R3HCC1L: variants seen among roughly 807,000 people sequenced by gnomAD.
R3HCC1L encodes R3H domain and coiled-coil containing 1 like.
In R3HCC1L, 51 loss-of-function variants were observed where a neutral mutation model predicts 59.9. The observed-to-expected ratio is 0.85, with a 90% confidence interval of 0.68 to 1.07. The LOEUF (loss-of-function observed/expected upper bound fraction) is 1.07, where lower values mean the gene tolerates loss of function less well. Ranked by LOEUF, R3HCC1L falls within the 50% of genes least tolerant of loss-of-function variation. The pLI is 0.00. For synonymous variants in R3HCC1L, 322 were observed against 315.2 expected (o/e 1.02, Z -0.23); for missense variants, 965 against 933.0 (o/e 1.03, Z -0.45).
chr10:98,191,441 A>ATAAATGTCTTCTT (rs1850832023), intron 4 of R3HCC1L, among the ~76,000 whole-genome samples: 1 of 152,008 alleles, frequency 6.6e-6, no homozygotes, highest in Non-Finnish European at 1.5e-5. Flanking sequence ...TGTTGGCTGC[A>ATAAATGTCTTCTT]TAGATGTCTT....
At chr10:98,173,094 ATTTC>A (rs1003720220) in intron 4 of R3HCC1L, among the ~76,000 whole-genome samples, 2 of 152,034 alleles carry the variant, frequency 1.3e-5, no homozygotes, top group Non-Finnish European at 2.9e-5. Flanking sequence ...TCATTCTCTT[ATTTC>A]TTTCTTCTCT....
chr10:98,194,307 A>G (rs983389778), intron 4 of R3HCC1L, among the ~76,000 whole-genome samples: 2 of 152,166 alleles, frequency 1.3e-5, no homozygotes, highest in African/African-American at 4.8e-5. Flanking sequence ...ACCATATACA[A>G]AATTTAATTA....
rs149472885 is a variant in R3HCC1L at position 98,243,012 on chromosome 10, T to C, written c.2270-1079T>C. On this transcript the variant is annotated intron_variant, in intron 9 of 9. Transcript: ENST00000298999. ...TAACTTTGCTGCTATATTCAGATAATGCCACAAGATGGTGCCCAAATAGCA... is the reference window on the plus strand; with the variant it reads ...TAACTTTGCTGCTATATTCAGATAACGCCACAAGATGGTGCCCAAATAGCA... Among the ~76,000 whole-genome samples, 9 of 152,364 alleles carry C rather than the reference T, an allele frequency of 5.9e-5. No individual in the cohort carries two copies. In the East Asian group the frequency reaches 1.7e-3, roughly 29 times the overall value.
chr10:98,139,235 C>T (rs190915817), intron 1 of R3HCC1L, among the ~76,000 whole-genome samples: 1 of 152,268 alleles, frequency 6.6e-6, no homozygotes, highest in Admixed American at 6.5e-5. Flanking sequence ...CCTAATGCAA[C>T]TCATTAGACA....
chr10:98,171,935 A>G (rs988342567), intron 4 of R3HCC1L, among the ~76,000 whole-genome samples: 2 of 152,204 alleles, frequency 1.3e-5, no homozygotes, highest in South Asian at 2.1e-4. Flanking sequence ...GCAGGCAAGG[A>G]TTAGTACTTA....
chr10:98,152,162 C>T (rs544750876), intron 1 of R3HCC1L, among the ~76,000 whole-genome samples: 61 of 152,366 alleles, frequency 4.0e-4, no homozygotes, highest in African/African-American at 1.4e-3. Flanking sequence ...GCTGTGTTGG[C>T]CGGGCTGGTC....
intron 6 of R3HCC1L, among the ~76,000 whole-genome samples, chr10:98,232,163 A>AT (rs1250939353): frequency 5.3e-5 from 8 of 151,688 alleles, no homozygotes; most frequent in Non-Finnish European, 8.8e-5. Flanking sequence ...TAATTTTTGT[A>AT]TTTTTTTGTA....
At chr10:98,164,704 C>CTG (rs1847767510) in intron 4 of R3HCC1L, among the ~76,000 whole-genome samples, 1 of 152,114 alleles carries the variant, frequency 6.6e-6, no homozygotes, top group Non-Finnish European at 1.5e-5. Context: ...TGCTGACAAT[C>CTG]TGTGACAGCC....
intron 5 of R3HCC1L, among the ~76,000 whole-genome samples, chr10:98,223,722 T>C (rs1195924239): frequency 6.6e-6 from 1 of 152,012 alleles, no homozygotes; most frequent in Non-Finnish European, 1.5e-5. Context: ...TTGCTGGGGA[T>C]GAGGACACCA....
chr10:98,233,477 C>T (rs765265277), intron 6 of R3HCC1L, among the ~76,000 whole-genome samples: 2 of 152,104 alleles, frequency 1.3e-5, no homozygotes, highest in Non-Finnish European at 2.9e-5. Flanking sequence ...GTGCTCAACA[C>T]CATCTTCTTT....
At chr10:98,161,654 G>A (rs2134182859) in intron 2 of R3HCC1L, among the ~76,000 whole-genome samples, 1 of 152,166 alleles carries the variant, frequency 6.6e-6, no homozygotes, top group South Asian at 2.1e-4. Context: ...TGGAGGTACG[G>A]TTTCTTTAAA....
intron 4 of R3HCC1L, among the ~76,000 whole-genome samples, chr10:98,193,552 G>A (rs142394238): frequency 3.2e-4 from 48 of 152,162 alleles, no homozygotes; most frequent in African/African-American, 1.0e-3. Context: ...AAACTTAATC[G>A]AGGGGAGAAG....
intron 2 of R3HCC1L, among the ~76,000 whole-genome samples, chr10:98,159,712 C>T (rs1488890215): frequency 6.6e-6 from 1 of 152,092 alleles, no homozygotes; most frequent in Admixed American, 6.5e-5. Context: ...CAGTAGGAGC[C>T]CCTTCAGTTC....
intron 9 of R3HCC1L, among the ~76,000 whole-genome samples, chr10:98,241,041 A>G (rs1414594774): frequency 6.6e-6 from 1 of 152,158 alleles, no homozygotes; most frequent in Non-Finnish European, 1.5e-5. Context: ...ATGCCCCCTT[A>G]TGGGATTCAG....
At chr10:98,215,150 C>G (rs180746701) in intron 5 of R3HCC1L, among the ~76,000 whole-genome samples, 1 of 152,096 alleles carries the variant, frequency 6.6e-6, no homozygotes, top group East Asian at 1.9e-4. Context: ...CAGCGCTGAT[C>G]TTAGTGATGT....
intron 4 of R3HCC1L, among the ~76,000 whole-genome samples, chr10:98,200,268 G>A (rs1998754): frequency 4.2e-4 from 64 of 152,040 alleles, no homozygotes; most frequent in Non-Finnish European, 8.4e-4. Flanking sequence ...AGTATTTACA[G>A]CAATAGGCTA....
rs369788899 is a variant in R3HCC1L at position 98,209,395 on chromosome 10, A to G, written c.1281A>G (p.Val427=). Residue 427 remains valine, a synonymous_variant, in exon 5 of 10, where the codon GTA becomes GTG. Transcript: ENST00000298999. ...GTGCAGATGCAACCCCTCTTCATGT[A>G]GCTAGAAGTGGGAATGACACTGAAG... ...GMSADATPLH[V]ARSGNDTEDF... 1 of 1,613,874 alleles carries G rather than the reference A, an allele frequency of 6.2e-7. No individual in the cohort carries two copies. The highest frequency in any genetic ancestry group is 8.5e-7 in the Non-Finnish European group (1 of 1,179,962).
At chr10:98,154,749 C>T (rs1409007545) in intron 1 of R3HCC1L, among the ~76,000 whole-genome samples, 2 of 152,104 alleles carry the variant, frequency 1.3e-5, no homozygotes, top group African/African-American at 4.8e-5. Context: ...AGTTAATTGT[C>T]TTTAGGACAG....
intron 5 of R3HCC1L, among the ~76,000 whole-genome samples, chr10:98,230,217 T>C (rs917893338): frequency 9.2e-5 from 14 of 152,168 alleles, no homozygotes; most frequent in Non-Finnish European, 5.9e-5. Context: ...GTCCTGGACT[T>C]TTTTTGGTTG....
Sources: gnomAD v4.1 joint callset for allele counts (sites outside exome capture counted in the v4.1 genomes callset) on GRCh38, gnomAD v4.1.1 for gene constraint, MANE v1.5 for transcripts, NCBI Gene and HGNC (gene_info 2026-07-23, HGNC 2026-07-21) for gene names.